The following CTNNA2 variants were observed in gnomAD, a reference collection of about 807,000 sequenced individuals.
The protein encoded by CTNNA2 is catenin alpha-2.
In CTNNA2, 42 loss-of-function variants were observed where a neutral mutation model predicts 101.0. That is an observed-to-expected ratio of 0.42 (90% CI 0.32 to 0.54). CTNNA2 has a LOEUF of 0.54. CTNNA2 is among the 20% of genes least tolerant of loss of function. The pLI is 0.14. For synonymous variants in CTNNA2, 450 were observed against 456.4 expected (o/e 0.99, Z 0.18); for missense variants, 871 against 1,223.1 (o/e 0.71, Z 4.29).
chr2:79,495,198 ATAAAG>A (rs1671243950), intron 4 of CTNNA2, among the ~76,000 whole-genome samples: 2 of 152,216 alleles, frequency 1.3e-5, no homozygotes, highest in Admixed American at 1.3e-4. Flanking sequence ...ACAGAATGGA[ATAAAG>A]TATTTTACAA....
intron 7 of CTNNA2, among the ~76,000 whole-genome samples, chr2:80,375,738 T>C (rs939374653): frequency 3.3e-5 from 5 of 151,910 alleles, no homozygotes; most frequent in Admixed American, 3.3e-4. Flanking sequence ...CTAATTTTTG[T>C]ATTTTTAGTA....
chr2:80,447,079 A>G (rs769209376), intron 9 of CTNNA2, among the ~76,000 whole-genome samples: 7 of 152,196 alleles, frequency 4.6e-5, no homozygotes, highest in Non-Finnish European at 8.8e-5. Flanking sequence ...AAAAATAGGT[A>G]GAACTTAAGT....
At chr2:79,399,736 A>T (rs1486123035) in intron 4 of CTNNA2, among the ~76,000 whole-genome samples, 3 of 152,070 alleles carry the variant, frequency 2.0e-5, no homozygotes, top group Non-Finnish European at 4.4e-5. Flanking sequence ...AGGCCTATAC[A>T]TATGAGAAAA....
intron 3 of CTNNA2, among the ~76,000 whole-genome samples, chr2:79,361,536 G>A (rs1277742212): frequency 6.6e-6 from 1 of 152,118 alleles, no homozygotes; most frequent in East Asian, 1.9e-4. Flanking sequence ...AGAGAAGTTA[G>A]CTGGTGTTCA....
At chr2:80,203,351 C>A (rs1426327796) in intron 7 of CTNNA2, among the ~76,000 whole-genome samples, 2 of 152,202 alleles carry the variant, frequency 1.3e-5, no homozygotes, top group Admixed American at 6.5e-5. Context: ...ACCTATGAGC[C>A]TGTAAAATCA....
intron 3 of CTNNA2, among the ~76,000 whole-genome samples, chr2:79,771,150 T>G (rs2105143910): frequency 6.6e-6 from 1 of 152,346 alleles, no homozygotes. Flanking sequence ...TGGTTTGTAC[T>G]TATTTTAAAA....
At chr2:80,174,543 T>C (rs369257697) in intron 7 of CTNNA2, among the ~76,000 whole-genome samples, 1 of 152,180 alleles carries the variant, frequency 6.6e-6, no homozygotes, top group African/African-American at 2.4e-5. Flanking sequence ...TCATTACTCA[T>C]GAACACATTC....
intron 15 of CTNNA2, among the ~76,000 whole-genome samples, chr2:80,596,476 AT>A (rs1184674083): frequency 3.4e-4 from 51 of 150,308 alleles, no homozygotes; most frequent in Admixed American, 2.7e-3. Context: ...TGCCCGGCTA[AT>A]TTTTTTGTGT....
At chr2:80,123,186 C>T (rs1167132128) in intron 7 of CTNNA2, among the ~76,000 whole-genome samples, 3 of 152,280 alleles carry the variant, frequency 2.0e-5, no homozygotes, top group Admixed American at 1.3e-4. Flanking sequence ...AGAAGCCAGT[C>T]GTTGGGCTTT....
intron 3 of CTNNA2, among the ~76,000 whole-genome samples, chr2:79,802,688 A>G (rs1330568985): frequency 6.6e-6 from 1 of 152,268 alleles, no homozygotes; most frequent in Non-Finnish European, 1.5e-5. Context: ...GACTTGGAAG[A>G]TTAATATTAT....
At chr2:79,739,085 T>C (rs1211350081) in intron 2 of CTNNA2, among the ~76,000 whole-genome samples, 13 of 149,164 alleles carry the variant, frequency 8.7e-5, no homozygotes, top group African/African-American at 1.8e-4. Context: ...TTTTTTTTTT[T>C]CTTTTTTTTC....
chr2:79,896,157 C>A (rs953858451), intron 6 of CTNNA2, among the ~76,000 whole-genome samples: 2 of 152,038 alleles, frequency 1.3e-5, no homozygotes, highest in Non-Finnish European at 2.9e-5. Flanking sequence ...GTGCCATGTG[C>A]CTGTAGTCCC....
intron 3 of CTNNA2, among the ~76,000 whole-genome samples, chr2:79,316,158 T>C (rs372382524): frequency 1.1e-3 from 167 of 152,208 alleles, no homozygotes; most frequent in African/African-American, 3.8e-3. Flanking sequence ...TGCTTTTGTA[T>C]GTGGATAGAT....
chr2:80,254,782 G>A (rs77987270), intron 7 of CTNNA2, among the ~76,000 whole-genome samples: 1,822 of 152,200 alleles, frequency 0.012, 30 homozygotes, highest in African/African-American at 0.04. Context: ...CATGAAAATT[G>A]TATTTAAATT....
chr2:79,817,018 CT>C (rs77343250), intron 3 of CTNNA2, among the ~76,000 whole-genome samples: 15,952 of 151,502 alleles, frequency 0.11, 1,218 homozygotes, highest in East Asian at 0.36. Context: ...AGGAGATATT[CT>C]TTTTTTTATT....
intron 2 of CTNNA2, among the ~76,000 whole-genome samples, chr2:79,221,616 TA>T (rs577247141): frequency 4.6e-5 from 7 of 151,942 alleles, no homozygotes; most frequent in Admixed American, 6.6e-5. Flanking sequence ...TTTTTTTTTT[TA>T]AAAAACTGAC....
At chr2:80,073,081 A>G (rs1424241627) in intron 7 of CTNNA2, among the ~76,000 whole-genome samples, 1 of 152,238 alleles carries the variant, frequency 6.6e-6, no homozygotes, top group East Asian at 1.9e-4. Context: ...AAAAGTAAAG[A>G]TGAAATAGTA....
At chr2:79,465,732 C>G (rs1002998101) in intron 4 of CTNNA2, among the ~76,000 whole-genome samples, 3 of 152,092 alleles carry the variant, frequency 2.0e-5, no homozygotes, top group Non-Finnish European at 2.9e-5. Flanking sequence ...ATATTTTATT[C>G]TCTTTGAAGC....
intron 7 of CTNNA2, among the ~76,000 whole-genome samples, chr2:80,202,920 G>T (rs151275201): frequency 6.6e-6 from 1 of 152,130 alleles, no homozygotes; most frequent in Non-Finnish European, 1.5e-5. Context: ...ACAGTTCCAC[G>T]TGACCGGGGA....
Sources: allele counts gnomAD v4.1 joint callset (sites outside exome capture counted in the v4.1 genomes callset), GRCh38; gene constraint gnomAD v4.1.1; transcripts MANE v1.5; gene names NCBI Gene and HGNC (gene_info 2026-07-23, HGNC 2026-07-21).